Variants in SUV39H2 observed in about 807,000 individuals in gnomAD.
The protein encoded by SUV39H2 is histone-lysine N-methyltransferase SUV39H2.
A neutral mutation model predicts 47.5 loss-of-function variants in SUV39H2; 10 were observed. The ratio of observed to expected loss-of-function variants is 0.21; its 90% confidence interval spans 0.13 to 0.36. The LOEUF (loss-of-function observed/expected upper bound fraction) is 0.36. SUV39H2 is among the 10% of genes least tolerant of loss of function. SUV39H2 has a pLI of 1.00. For missense variants in SUV39H2, 266 were observed against 487.4 expected (o/e 0.55, Z 4.28); for synonymous variants, 159 against 166.8 (o/e 0.95, Z 0.36).
Position 14,901,262 on chromosome 10 carries a change from G to A in SUV39H2, c.1126G>A (p.Gly376Ser). The A allele has an allele frequency of 6.2e-7, 1 of 1,613,686 alleles. No homozygotes were observed. Among genetic ancestry groups the A allele is most frequent in the Non-Finnish European group, 8.5e-7 (1 of 1,179,754 alleles). Reference protein sequence around the residue: ...EELTFDYQMKGSGDISSDSID... With the variant: ...EELTFDYQMKSSGDISSDSID... ...GCTGACTTTTGATTATCAAATGAAA[G>A]GTATGCTTTTCAAGTACAGTTTCAT... The change falls in exon 5 of 6, where the codon GGT becomes AGT. Residue 376 changes from glycine (G) to serine (S), a missense_variant and splice_region_variant. Gly to Ser is a moderately conservative substitution (Grantham distance 56). Around this residue, in one of 4 missense-constraint regions of SUV39H2, gnomAD observed 112 missense variants for 271.9 expected, o/e 0.41. Coordinates refer to ENST00000354919, the MANE Select transcript of SUV39H2 (RefSeq NM_001193424.2).
At chr10:14,898,317 G>A (rs1169534903) in intron 3 of SUV39H2, 1 of 143,220 alleles carries the variant, frequency 7.0e-6, no homozygotes, top group Non-Finnish European at 1.5e-5. Flanking sequence ...TAAGAACCGA[G>A]ATTCAAAGCT....
rs745791656 is a variant in SUV39H2 at position 14,894,343 on chromosome 10, A to AAAGAAAGC, written c.178-2500_178-2493dup. On this transcript the variant is annotated intron_variant, in intron 2 of 5. Coordinates refer to ENST00000354919, the MANE Select transcript of SUV39H2 (RefSeq NM_001193424.2). The stretch of plus-strand genomic sequence containing the variant: ...GAAGAAAACTTTTGACCAATTTTCA[A>AAAGAAAGC]AAGAAAGCAAAGTTTTTTTTTTTTT... 9.6e-4 allele frequency among the ~76,000 whole-genome samples: 144 copies of AAAGAAAGC among 150,290 alleles called. 10 individuals carry two copies. Among genetic ancestry groups the AAAGAAAGC allele is most frequent in the Non-Finnish European group, 1.8e-3 (121 of 67,494 alleles).
intron 2 of SUV39H2, among the ~76,000 whole-genome samples, chr10:14,888,946 A>C (rs543465784): frequency 1.9e-4 from 29 of 152,120 alleles, no homozygotes; most frequent in Non-Finnish European, 4.0e-4. Flanking sequence ...TCTACTAAAA[A>C]TACAAAATTA....
At chr10:14,882,560 A>T (rs768033958) in intron 2 of SUV39H2, among the ~76,000 whole-genome samples, 1 of 152,158 alleles carries the variant, frequency 6.6e-6, no homozygotes, top group Non-Finnish European at 1.5e-5. Context: ...ATATTATACA[A>T]TCATGCATAT....
Position 14,901,073 on chromosome 10 carries a change from C to T in SUV39H2, c.997-60C>T. 4 of 1,570,166 alleles carry T rather than the reference C, an allele frequency of 2.5e-6. No homozygotes were observed. In the South Asian group the frequency reaches 3.5e-5, roughly 14 times the overall value. On this transcript the variant is annotated intron_variant, in intron 4 of 5. Transcript: ENST00000354919. ...CTAGGAAAGTAAACATTTTATATGGCATGTAGAAGGGCTTGTTTACACCGT... is the reference window on the plus strand; with the variant it reads ...CTAGGAAAGTAAACATTTTATATGGTATGTAGAAGGGCTTGTTTACACCGT...
rs1278172199 is a variant in SUV39H2, at chr10:14,897,416, T to C, written c.748T>C (p.Tyr250His). The part of the protein sequence containing the change: ...PNRIVQKGTQ[Y>H]SLCIFRTSNG... ...TAGGATTGTACAAAAAGGCACACAG[T>C]ATTCGCTTTGCATCTTTCGAACTAG... Residue 250 changes from tyrosine to histidine, a missense_variant, in exon 3 of 6, where the codon TAT (tyrosine) becomes CAT (histidine). By Grantham distance (83) the Tyr-to-His change is moderately conservative. Around this residue, in one of 4 missense-constraint regions of SUV39H2, gnomAD observed 112 missense variants for 271.9 expected, o/e 0.41. Transcript: ENST00000354919. 1 of 1,613,402 alleles carries C rather than the reference T, an allele frequency of 6.2e-7. No individual in the cohort carries two copies. Among genetic ancestry groups the C allele is most frequent in the East Asian group, 2.2e-5 (1 of 44,860 alleles).
At chr10:14,895,549 G>T (rs1833549535) in intron 2 of SUV39H2, among the ~76,000 whole-genome samples, 1 of 152,178 alleles carries the variant, frequency 6.6e-6, no homozygotes, top group Non-Finnish European at 1.5e-5. Flanking sequence ...AGTCATTGGA[G>T]TGAAAAGACA....
chr10:14,902,170 C>T (rs1834071334), intron 5 of SUV39H2, among the ~76,000 whole-genome samples: 1 of 152,092 alleles, frequency 6.6e-6, no homozygotes, highest in South Asian at 2.1e-4. Flanking sequence ...CTATTATTAA[C>T]CCACACCATC....
chr10:14,891,705 G>T (rs1463764974), intron 2 of SUV39H2, among the ~76,000 whole-genome samples: 1 of 152,148 alleles, frequency 6.6e-6, no homozygotes, highest in Non-Finnish European at 1.5e-5. Flanking sequence ...GTGTGAGTAG[G>T]TGGACAGGTA....
At chr10:14,896,329 G>A (rs1381397413) in intron 2 of SUV39H2, among the ~76,000 whole-genome samples, 1 of 152,138 alleles carries the variant, frequency 6.6e-6, no homozygotes, top group Non-Finnish European at 1.5e-5. Context: ...CGTAATAACC[G>A]TATTGGATAG....
intron 2 of SUV39H2, among the ~76,000 whole-genome samples, chr10:14,886,445 C>G (rs1833210668): frequency 6.6e-6 from 1 of 152,216 alleles, no homozygotes; most frequent in African/African-American, 2.4e-5. Flanking sequence ...TCTTCCCTGC[C>G]AAATCATCCA....
At chr10:14,880,473 T>C (rs1481430986) in intron 1 of SUV39H2, among the ~76,000 whole-genome samples, 1 of 152,174 alleles carries the variant, frequency 6.6e-6, no homozygotes, top group African/African-American at 2.4e-5. Flanking sequence ...GTTTTCTCCA[T>C]TTTTTTCCAG....
At chr10:14,888,397 AG>A (rs1415757949) in intron 2 of SUV39H2, among the ~76,000 whole-genome samples, 1 of 152,032 alleles carries the variant, frequency 6.6e-6, no homozygotes, top group African/African-American at 2.4e-5. Context: ...GCACTTTGGG[AG>A]GCCGAGGCGG....
rs1029744593 is a variant in SUV39H2, at chr10:14,888,479, T to A, written c.177+6834T>A. On this transcript the variant is annotated intron_variant, in intron 2 of 5. Coordinates refer to ENST00000354919, the MANE Select transcript of SUV39H2 (RefSeq NM_001193424.2). ...TGAAACCCCGTCTCTACTAAAAATA[T>A]AAAAATTAGCTTGGCATGGTGGTGC... Among the ~76,000 whole-genome samples the A allele has an allele frequency of 1.3e-5, 2 of 151,564 alleles. 1 individual carries two copies. Among genetic ancestry groups the A allele is most frequent in the Middle Eastern group, 6.8e-3 (2 of 292 alleles).
At chr10:14,896,108 A>G (rs1429979366) in intron 2 of SUV39H2, among the ~76,000 whole-genome samples, 1 of 151,816 alleles carries the variant, frequency 6.6e-6, no homozygotes, top group Non-Finnish European at 1.5e-5. Flanking sequence ...ACACCCAGCT[A>G]ATTTTTGTGT....
intron 2 of SUV39H2, among the ~76,000 whole-genome samples, chr10:14,885,675 A>G (rs1246880925): frequency 6.6e-6 from 1 of 152,168 alleles, no homozygotes; most frequent in Non-Finnish European, 1.5e-5. Context: ...TACCCCACAT[A>G]CATCCCCCAT....
chr10:14,895,273 T>A (rs1306009349), intron 2 of SUV39H2, among the ~76,000 whole-genome samples: 1 of 151,864 alleles, frequency 6.6e-6, no homozygotes, highest in African/African-American at 2.4e-5. Flanking sequence ...TCCTCCTGGG[T>A]TCAGGCGATT....
chr10:14,879,853 A>G (rs990476266), intron 1 of SUV39H2: 3 of 150,646 alleles, frequency 2.0e-5, no homozygotes, highest in Non-Finnish European at 2.9e-5. Context: ...CTTTTTCTGC[A>G]TTACTGGAGA....
At chr10:14,892,999 ATTTTTTTTTTT>A (rs869161891) in intron 2 of SUV39H2, among the ~76,000 whole-genome samples, 2 of 79,910 alleles carry the variant, frequency 2.5e-5, no homozygotes, top group African/African-American at 4.9e-5. Context: ...AATTTTTTGT[ATTTTTTTTTTT>A]TTTTTTTTTT....
Sources: allele counts gnomAD v4.1 joint callset (sites outside exome capture counted in the v4.1 genomes callset), GRCh38; gene constraint gnomAD v4.1.1; regional missense constraint gnomAD v4.1.1; transcripts MANE v1.5; gene names NCBI Gene and HGNC (gene_info 2026-07-23, HGNC 2026-07-21).